RBFOX1: variants seen among roughly 807,000 people sequenced by gnomAD.
RBFOX1 encodes RNA binding protein fox-1 homolog 1.
In RBFOX1, 8 loss-of-function variants were observed where a neutral mutation model predicts 57.7. The observed-to-expected ratio is 0.14, with a 90% CI of 0.08 to 0.25. The LOEUF (loss-of-function observed/expected upper bound fraction) is 0.25, where lower values mean the gene tolerates loss of function less well. RBFOX1 is among the 10% of genes least tolerant of loss of function. The pLI is 1.00. For missense variants in RBFOX1, 611 were observed against 548.5 expected, an observed-to-expected ratio of 1.11 and a Z score of -1.14; for synonymous variants, 326 against 222.4, an observed-to-expected ratio of 1.47 and a Z score of -4.15.
At chr16:5,442,327 G>A (rs763365953) in intron 1 of RBFOX1, among the ~76,000 whole-genome samples, 1 of 152,214 alleles carries the variant, frequency 6.6e-6, no homozygotes, top group Non-Finnish European at 1.5e-5. Context: ...GGGAGCCAGG[G>A]CCAGGCCACA....
intron 2 of RBFOX1, among the ~76,000 whole-genome samples, chr16:6,390,563 A>C (rs931693231): frequency 5.3e-5 from 8 of 152,096 alleles, no homozygotes; most frequent in African/African-American, 1.7e-4. Flanking sequence ...AGAAAAAAAA[A>C]AGCATGGAAG....
chr16:6,493,482 C>T (rs1484383085), intron 2 of RBFOX1, among the ~76,000 whole-genome samples: 5 of 152,090 alleles, frequency 3.3e-5, no homozygotes, highest in African/African-American at 1.2e-4. Context: ...AAGTTGTATA[C>T]AGTACTATTA....
At chr16:5,772,382 C>T (rs2054009919) in intron 3 of RBFOX1, among the ~76,000 whole-genome samples, 1 of 152,148 alleles carries the variant, frequency 6.6e-6, no homozygotes, top group African/African-American at 2.4e-5. Context: ...AGCTCCACTT[C>T]TAACCCACTG....
At chr16:7,399,436 G>C (rs1450511496) in intron 4 of RBFOX1, among the ~76,000 whole-genome samples, 2 of 152,076 alleles carry the variant, frequency 1.3e-5, no homozygotes, top group Non-Finnish European at 2.9e-5. Context: ...AACAAGAGCA[G>C]AACTCTGTCT....
At chr16:6,413,124 A>G (rs960237957) in intron 2 of RBFOX1, among the ~76,000 whole-genome samples, 1 of 152,156 alleles carries the variant, frequency 6.6e-6, no homozygotes, top group Non-Finnish European at 1.5e-5. Flanking sequence ...GTTTGAGACC[A>G]GCCTAACCAA....
At chr16:6,863,191 A>C (rs2059316168) in intron 3 of RBFOX1, among the ~76,000 whole-genome samples, 1 of 152,120 alleles carries the variant, frequency 6.6e-6, no homozygotes, top group Non-Finnish European at 1.5e-5. Flanking sequence ...TGCCTGAATT[A>C]CTTTTTGGAA....
intron 8 of RBFOX1, among the ~76,000 whole-genome samples, chr16:7,595,846 C>T (rs1006117252): frequency 7.4e-5 from 11 of 149,018 alleles, no homozygotes; most frequent in African/African-American, 1.2e-4. Flanking sequence ...ACTCTTATAC[C>T]GCTGAAAGGT....
At chr16:6,859,219 T>C (rs892777886) in intron 3 of RBFOX1, among the ~76,000 whole-genome samples, 4 of 109,292 alleles carry the variant, frequency 3.7e-5, no homozygotes, top group African/African-American at 1.3e-4. Context: ...ATACAAAAAT[T>C]AGTTCCTCAA....
intron 3 of RBFOX1, among the ~76,000 whole-genome samples, chr16:6,855,380 A>C (rs1010184767): frequency 6.6e-6 from 1 of 152,030 alleles, no homozygotes; most frequent in East Asian, 1.9e-4. Context: ...GGCCGGGCGC[A>C]GTGGCTCACG....
intron 4 of RBFOX1, among the ~76,000 whole-genome samples, chr16:7,387,679 C>T (rs967181880): frequency 1.3e-5 from 2 of 152,094 alleles, no homozygotes; most frequent in African/African-American, 4.8e-5. Context: ...CTCAGGGTGC[C>T]ATTAGGAGTG....
At chr16:6,557,688 C>G (rs1435795379) in intron 2 of RBFOX1, among the ~76,000 whole-genome samples, 1 of 152,210 alleles carries the variant, frequency 6.6e-6, no homozygotes, top group Admixed American at 6.5e-5. Flanking sequence ...GACCAAGTAT[C>G]TCATTGCAAA....
intron 1 of RBFOX1, among the ~76,000 whole-genome samples, chr16:5,458,599 C>T (rs183230888): frequency 6.6e-6 from 1 of 152,184 alleles, no homozygotes; most frequent in East Asian, 1.9e-4. Context: ...CTAGACTGGG[C>T]CATCCCAGCC....
At chr16:6,224,506 G>A (rs151159149) in intron 1 of RBFOX1, among the ~76,000 whole-genome samples, 1 of 152,190 alleles carries the variant, frequency 6.6e-6, no homozygotes, top group East Asian at 1.9e-4. Context: ...GGAGTAGTAA[G>A]ATGCTCGATT....
intron 1 of RBFOX1, among the ~76,000 whole-genome samples, chr16:6,188,024 A>G (rs1295110814): frequency 1.3e-5 from 2 of 152,218 alleles, no homozygotes; most frequent in African/African-American, 4.8e-5. Context: ...ATATGTGTAT[A>G]CACTCATCCC....
At chr16:5,959,819 A>C (rs2059713821) in intron 4 of RBFOX1, among the ~76,000 whole-genome samples, 1 of 152,170 alleles carries the variant, frequency 6.6e-6, no homozygotes, top group African/African-American at 2.4e-5. Flanking sequence ...CTGAAGAAAA[A>C]GAAATAAAGA....
At chr16:5,373,818 G>A (rs187203443) in intron 1 of RBFOX1, among the ~76,000 whole-genome samples, 1 of 152,270 alleles carries the variant, frequency 6.6e-6, no homozygotes, top group African/African-American at 2.4e-5. Flanking sequence ...TGGTCAGGCT[G>A]GTCTCGAACT....
chr16:6,728,853 A>C (rs2067861085), intron 3 of RBFOX1, among the ~76,000 whole-genome samples: 1 of 152,218 alleles, frequency 6.6e-6, no homozygotes, highest in South Asian at 2.1e-4. Flanking sequence ...CATTCAAAAC[A>C]GTGGCCAGAG....
At chr16:6,210,888 A>T (rs1261201639) in intron 1 of RBFOX1, among the ~76,000 whole-genome samples, 1 of 152,186 alleles carries the variant, frequency 6.6e-6, no homozygotes, top group Admixed American at 6.5e-5. Context: ...AGCTCAGCTG[A>T]TACCACTTTC....
At chr16:5,938,947 C>T (rs2059225420) in intron 4 of RBFOX1, among the ~76,000 whole-genome samples, 1 of 152,136 alleles carries the variant, frequency 6.6e-6, no homozygotes, top group Admixed American at 6.5e-5. Context: ...TTTGTAGGGA[C>T]ATGGATGAAG....
Sources: gnomAD v4.1 joint callset for allele counts (sites outside exome capture counted in the v4.1 genomes callset) on GRCh38, gnomAD v4.1.1 for gene constraint, MANE v1.5 for transcripts, NCBI Gene and HGNC (gene_info 2026-07-23, HGNC 2026-07-21) for gene names.